The following PCDHGB1 variants were observed in gnomAD, a reference collection of about 807,000 sequenced individuals.
The protein encoded by PCDHGB1 is protocadherin gamma-B1.
Under a neutral mutation model 56.6 loss-of-function variants are expected in PCDHGB1, and 34 were observed. The observed-to-expected ratio is 0.60, with a 90% CI of 0.46 to 0.80. The LOEUF (loss-of-function observed/expected upper bound fraction) is 0.80, where lower values mean the gene tolerates loss of function less well. Ranked by LOEUF, PCDHGB1 falls within the 30% of genes least tolerant of loss-of-function variation. The pLI is 0.00. For synonymous variants in PCDHGB1, 561 were observed against 505.9 expected (o/e 1.11, Z -1.46); for missense variants, 1,278 against 1,204.6 (o/e 1.06, Z -0.90).
intron 1 of PCDHGB1, chr5:141,360,718 A>G: frequency 6.2e-7 from 1 of 1,613,968 alleles, no homozygotes; most frequent in Non-Finnish European, 8.5e-7. Flanking sequence ...TCCTGAGTTG[A>G]TTCTAAAACA....
intron 1 of PCDHGB1, chr5:141,366,677 G>C (rs781103707): frequency 6.2e-7 from 1 of 1,614,148 alleles, no homozygotes; most frequent in Non-Finnish European, 8.5e-7. Context: ...CCTTAGTGAA[G>C]AGAGCTGTGA....
chr5:141,457,422 T>C (rs2098920028), intron 1 of PCDHGB1, among the ~76,000 whole-genome samples: 1 of 151,626 alleles, frequency 6.6e-6, no homozygotes. Flanking sequence ...CATCCCTTTT[T>C]CCCCCCCACC....
chr5:141,370,872 C>T (rs201155008), intron 1 of PCDHGB1: 244 of 1,613,896 alleles, frequency 1.5e-4, no homozygotes, highest in Non-Finnish European at 1.9e-4. Flanking sequence ...TGCGCAAGAT[C>T]CTGATGTAGG....
chr5:141,421,741 C>A lies in PCDHGB1; in HGVS notation c.2409+69072C>A. 3 of 1,613,902 alleles carry A rather than the reference C, an allele frequency of 1.9e-6. No individual in the cohort carries two copies. The South Asian group carries it at 3.3e-5, about 18-fold the overall frequency. ...GGGCGTGAACTCCCTCCAGAGCTAC[C>A]AGCTCAGCCCTAATAATTACTTTTC... On this transcript the variant is annotated intron_variant, in intron 1 of 3. Transcript: ENST00000523390.
At chr5:141,450,006 CTTTTTTT>C (rs1554136305) in intron 1 of PCDHGB1, among the ~76,000 whole-genome samples, 12 of 132,986 alleles carry the variant, frequency 9.0e-5, no homozygotes, top group Non-Finnish European at 1.7e-4. Context: ...TGCCATGTCT[CTTTTTTT>C]TTTTTTTTTT....
Position 141,431,756 on chromosome 5 carries a change from G to T in PCDHGB1, c.2410-63051G>T. The T allele has an allele frequency of 6.2e-7, 1 of 1,614,236 alleles. No individual in the cohort carries two copies. Among genetic ancestry groups the T allele is most frequent in the South Asian group, 1.1e-5 (1 of 91,088 alleles). On this transcript the variant is annotated intron_variant, in intron 1 of 3. Transcript: ENST00000523390. This position sits in a 1 kb window ranked among gnomAD's most constrained non-coding sequence, Gnocchi z 4.8. Reference sequence around the variant, plus strand: ...TGCAGGATATTCTGCGCGAGCCAAAGTCCTGATCACTGTTCTGGACGTGAA... The same window carrying T: ...TGCAGGATATTCTGCGCGAGCCAAATTCCTGATCACTGTTCTGGACGTGAA...
chr5:141,424,962 C>G (rs1018789700), intron 1 of PCDHGB1, among the ~76,000 whole-genome samples: 2 of 152,116 alleles, frequency 1.3e-5, no homozygotes, highest in Admixed American at 6.6e-5. Flanking sequence ...GTATTTGCCC[C>G]AAATTACTTG....
rs572892456 is a variant in PCDHGB1, at chr5:141,427,959, C to T, written c.2410-66848C>T. On this transcript the variant is annotated intron_variant, in intron 1 of 3. Coordinates refer to ENST00000523390, the MANE Select transcript of PCDHGB1 (RefSeq NM_018922.3). Reference sequence around the variant, plus strand: ...GGGCGACCTCAATGACAATGTGCCGCGGGTGCTGTACCCCGCGCTGGGGCC... The same window carrying T: ...GGGCGACCTCAATGACAATGTGCCGTGGGTGCTGTACCCCGCGCTGGGGCC... 3.8e-6 allele frequency: 6 copies of T among 1,588,886 alleles called. No individual in the cohort carries two copies. The East Asian group carries it at 1.1e-4, about 30-fold the overall frequency.
At chr5:141,482,673 G>A (rs1278135239) in intron 1 of PCDHGB1, among the ~76,000 whole-genome samples, 1 of 152,156 alleles carries the variant, frequency 6.6e-6, no homozygotes, top group Non-Finnish European at 1.5e-5. Context: ...TAAAGGTTGA[G>A]TAGTAGCTTG....
chr5:141,359,700 A>T (rs1336602440), intron 1 of PCDHGB1, among the ~76,000 whole-genome samples: 1 of 152,144 alleles, frequency 6.6e-6, no homozygotes, highest in Non-Finnish European at 1.5e-5. Flanking sequence ...CTCCGGAAGG[A>T]TACCTAAGAA....
chr5:141,442,981 C>T (rs2098357132), intron 1 of PCDHGB1, among the ~76,000 whole-genome samples: 1 of 152,142 alleles, frequency 6.6e-6, no homozygotes, highest in African/African-American at 2.4e-5. Flanking sequence ...ATAAAGTTAG[C>T]CTATAATTTC....
At chr5:141,414,143 T>C (rs887054185) in intron 1 of PCDHGB1, 1 of 1,597,122 alleles carries the variant, frequency 6.3e-7, no homozygotes, top group Non-Finnish European at 8.5e-7. Flanking sequence ...GAAATAGAAA[T>C]ACAAGCAGAA....
intron 1 of PCDHGB1, among the ~76,000 whole-genome samples, chr5:141,368,153 C>T (rs1012030751): frequency 2.6e-5 from 4 of 152,064 alleles, no homozygotes; most frequent in Non-Finnish European, 4.4e-5. Context: ...ACTTTTAAAA[C>T]CTTGAGCATC....
At chr5:141,390,382 T>C in intron 1 of PCDHGB1, 2 of 1,443,060 alleles carry the variant, frequency 1.4e-6, no homozygotes, top group South Asian at 1.3e-5. Context: ...AATTTTTAGA[T>C]GTCATGGATC....
intron 3 of PCDHGB1, among the ~76,000 whole-genome samples, chr5:141,509,791 C>T (rs2099878284): frequency 6.6e-6 from 1 of 152,164 alleles, no homozygotes; most frequent in Non-Finnish European, 1.5e-5. Flanking sequence ...TCATCATCTC[C>T]TCAGCTTCAT....
At chr5:141,369,250 A>G (rs536586980) in intron 1 of PCDHGB1, among the ~76,000 whole-genome samples, 86 of 152,320 alleles carry the variant, frequency 5.6e-4, no homozygotes, top group African/African-American at 2.0e-3. Context: ...ATAATTAAAT[A>G]ATATAATTAT....
At chr5:141,361,609 G>C in intron 1 of PCDHGB1, 2 of 1,613,956 alleles carry the variant, frequency 1.2e-6, no homozygotes, top group Middle Eastern at 1.6e-4. Flanking sequence ...CTACTCCATC[G>C]TAGCGAGCGA....
At chr5:141,421,146 C>T in intron 1 of PCDHGB1, 1 of 1,015,090 alleles carries the variant, frequency 9.9e-7, no homozygotes, top group Non-Finnish European at 1.4e-6. Flanking sequence ...TGGATGTAGT[C>T]GGCCTAGGAC....
At chr5:141,453,464 C>A (rs186131587) in intron 1 of PCDHGB1, among the ~76,000 whole-genome samples, 16 of 152,090 alleles carry the variant, frequency 1.1e-4, no homozygotes, top group Non-Finnish European at 1.9e-4. Flanking sequence ...AAAACATTAA[C>A]ATAAAGTCAA....
Sources: gnomAD v4.1 joint callset for allele counts (sites outside exome capture counted in the v4.1 genomes callset) on GRCh38, gnomAD v4.1.1 for gene constraint, Gnocchi (gnomAD v3.1) non-coding constraint, MANE v1.5 for transcripts, NCBI Gene and HGNC (gene_info 2026-07-23, HGNC 2026-07-21) for gene names.